Variants in CCDC60 observed in about 807,000 individuals in gnomAD.
CCDC60 encodes the protein coiled-coil domain-containing protein 60.
Under a neutral mutation model 63.5 loss-of-function variants are expected in CCDC60, and 54 were observed. That is an observed-to-expected ratio of 0.85 (90% confidence interval 0.68 to 1.07). The LOEUF is 1.07. Ranked by LOEUF, CCDC60 falls within the 50% of genes least tolerant of loss-of-function variation. The probability of loss-of-function intolerance (pLI) is 0.00; values close to 1 mark genes in which losing one functional copy is unlikely to be tolerated. For missense variants in CCDC60, 651 were observed against 684.3 expected, an observed-to-expected ratio of 0.95 and a Z score of 0.54; for synonymous variants, 206 against 238.8, an observed-to-expected ratio of 0.86 and a Z score of 1.27.
At chr12:119,483,317 G>A (rs939631628) in intron 4 of CCDC60, among the ~76,000 whole-genome samples, 14 of 152,258 alleles carry the variant, frequency 9.2e-5, no homozygotes, top group African/African-American at 3.4e-4. Context: ...GCGGATCAGA[G>A]CCTGGTCAGT....
At chr12:119,523,442 G>A (rs1429768729) in intron 10 of CCDC60, among the ~76,000 whole-genome samples, 1 of 152,218 alleles carries the variant, frequency 6.6e-6, no homozygotes, top group Admixed American at 6.5e-5. Flanking sequence ...GGGCTCCAGT[G>A]ACCAGTTGTC....
In CCDC60 at chr12:119,490,088, G is replaced by A. The variant is rs780304947; in HGVS notation, c.557+1222G>A. On this transcript the variant is annotated intron_variant, in intron 5 of 13. Coordinates refer to ENST00000327554, the MANE Select transcript of CCDC60 (RefSeq NM_178499.5). ...TGGGATTACAGGCGTGAGCCACCGC[G>A]CCCGGCCAAACGTTAAGTCTTAATT... Among the ~76,000 whole-genome samples the A allele has an allele frequency of 6.4e-4, 97 of 152,192 alleles. 2 individuals carry two copies. Among genetic ancestry groups the A allele is most frequent in the Middle Eastern group, 3.4e-3 (1 of 294 alleles).
At chr12:119,397,601 G>A (rs1439701633) in intron 1 of CCDC60, among the ~76,000 whole-genome samples, 1 of 149,412 alleles carries the variant, frequency 6.7e-6, no homozygotes, top group Non-Finnish European at 1.5e-5. Flanking sequence ...CTTCCAGCTA[G>A]ACATAAAAGT....
chr12:119,384,449 G>A (rs779363873), intron 1 of CCDC60, among the ~76,000 whole-genome samples: 6 of 152,106 alleles, frequency 3.9e-5, no homozygotes, highest in Non-Finnish European at 5.9e-5. Flanking sequence ...TCCCTCTGTC[G>A]ACTGCAATGT....
intron 5 of CCDC60, among the ~76,000 whole-genome samples, chr12:119,491,015 A>C (rs1951568401): frequency 6.6e-6 from 1 of 152,256 alleles, no homozygotes; most frequent in Admixed American, 6.5e-5. Flanking sequence ...TTAAAAGTCT[A>C]TGATATGTCC....
intron 8 of CCDC60, among the ~76,000 whole-genome samples, chr12:119,516,944 C>G (rs1304951306): frequency 2.0e-5 from 3 of 152,146 alleles, no homozygotes; most frequent in African/African-American, 7.2e-5. Context: ...GGTCACTCAG[C>G]TAGTGAATGA....
At chr12:119,403,892 T>C (rs1421845436) in intron 1 of CCDC60, among the ~76,000 whole-genome samples, 1 of 152,244 alleles carries the variant, frequency 6.6e-6, no homozygotes, top group African/African-American at 2.4e-5. Flanking sequence ...ACGTGATGTT[T>C]TGATGTATGT....
intron 3 of CCDC60, among the ~76,000 whole-genome samples, chr12:119,473,051 T>C (rs1437584019): frequency 1.3e-5 from 2 of 152,236 alleles, no homozygotes; most frequent in Non-Finnish European, 2.9e-5. Context: ...TTTCAAAACA[T>C]TCCTGAGATA....
At chr12:119,340,975 G>A (rs1955526309) in intron 1 of CCDC60, among the ~76,000 whole-genome samples, 1 of 152,160 alleles carries the variant, frequency 6.6e-6, no homozygotes. Flanking sequence ...CATGACTTAA[G>A]CCAGGAAAAG....
intron 3 of CCDC60, among the ~76,000 whole-genome samples, chr12:119,473,770 G>A (rs1419515091): frequency 6.6e-6 from 1 of 152,130 alleles, no homozygotes; most frequent in African/African-American, 2.4e-5. Context: ...CCAGATTGCT[G>A]AAAATGCCAT....
intron 2 of CCDC60, among the ~76,000 whole-genome samples, chr12:119,439,533 C>G (rs559996363): frequency 2.0e-5 from 3 of 152,178 alleles, no homozygotes; most frequent in South Asian, 2.1e-4. Context: ...CAATGCTGAC[C>G]TCTGTTCTCC....
chr12:119,360,682 C>G (rs1294277478), intron 1 of CCDC60, among the ~76,000 whole-genome samples: 1 of 148,828 alleles, frequency 6.7e-6, no homozygotes, highest in African/African-American at 2.6e-5. Flanking sequence ...CTCCTCACTT[C>G]CTAGATGTGA....
intron 10 of CCDC60, 78 bp downstream of exon 10, chr12:119,523,079 G>C: frequency 7.6e-7 from 1 of 1,320,410 alleles, no homozygotes; most frequent in Non-Finnish European, 1.1e-6. Flanking sequence ...CAGGGGTGTA[G>C]AAATGACCCA....
At position 119,335,191 on chromosome 12, in the gene CCDC60, A is replaced by G; in HGVS notation, c.15A>G (p.Pro5=). The change falls in exon 1 of 14, where the codon CCA becomes CCG. Residue 5 remains proline, a synonymous_variant. Transcript: ENST00000327554. MTKV[P]ATKKLQSSPN... is the part of the protein sequence containing the mutation. ...GGATTTTTAAGATGACCAAGGTTCC[A>G]GCCACCAAGAAGCTTCAGAGTTCCC... 1 of 1,606,944 alleles carries G rather than the reference A, an allele frequency of 6.2e-7. No individual in the cohort carries two copies. Among genetic ancestry groups the G allele is most frequent in the Non-Finnish European group, 8.5e-7 (1 of 1,177,212 alleles).
intron 2 of CCDC60, among the ~76,000 whole-genome samples, chr12:119,462,178 G>A (rs1950867763): frequency 6.6e-6 from 1 of 152,200 alleles, no homozygotes; most frequent in Admixed American, 6.5e-5. Flanking sequence ...TTTCTGTGGA[G>A]TTAATTGATA....
At chr12:119,531,557 G>C (rs1373541473) in intron 13 of CCDC60, among the ~76,000 whole-genome samples, 1 of 152,158 alleles carries the variant, frequency 6.6e-6, no homozygotes, top group Non-Finnish European at 1.5e-5. Flanking sequence ...GGCAAGACCA[G>C]AATCATGAGA....
intron 3 of CCDC60, among the ~76,000 whole-genome samples, chr12:119,476,050 A>C (rs56328286): frequency 2.8e-4 from 42 of 152,290 alleles, no homozygotes; most frequent in Middle Eastern, 3.4e-3. Flanking sequence ...GATCTTGTGC[A>C]TCATAAAAGC....
chr12:119,497,969 A>G (rs1027110839), intron 5 of CCDC60, among the ~76,000 whole-genome samples: 4 of 152,178 alleles, frequency 2.6e-5, no homozygotes, highest in African/African-American at 9.7e-5. Flanking sequence ...GTGTAATCAA[A>G]CATAAAGTCT....
At chr12:119,527,750 C>T (rs917723084) in intron 11 of CCDC60, among the ~76,000 whole-genome samples, 2 of 143,540 alleles carry the variant, frequency 1.4e-5, no homozygotes, top group African/African-American at 5.1e-5. Context: ...AATCTCGGCT[C>T]ACTGCAAGCT....
Sources: allele counts gnomAD v4.1 joint callset (sites outside exome capture counted in the v4.1 genomes callset), GRCh38; gene constraint gnomAD v4.1.1; transcripts MANE v1.5; gene names NCBI Gene and HGNC (gene_info 2026-07-23, HGNC 2026-07-21).